Variants in ANTXR1 observed in about 807,000 individuals in gnomAD.
The protein encoded by ANTXR1 is ANTXR cell adhesion molecule 1.
ANTXR1 carries 19 observed loss-of-function variants against 78.1 expected under a neutral mutation model. The ratio of observed to expected loss-of-function variants is 0.24; its 90% CI spans 0.17 to 0.36. ANTXR1 has a LOEUF of 0.36. ANTXR1 is among the 10% of genes least tolerant of loss of function. The pLI, the probability that ANTXR1 is intolerant of heterozygous loss-of-function variation, is 1.00. For missense variants in ANTXR1, 518 were observed against 718.6 expected, an observed-to-expected ratio of 0.72 and a Z score of 3.19; for synonymous variants, 273 against 260.5, an observed-to-expected ratio of 1.05 and a Z score of -0.46.
intron 12 of ANTXR1, among the ~76,000 whole-genome samples, chr2:69,132,244 G>A (rs148535960): frequency 6.6e-6 from 1 of 152,366 alleles, no homozygotes; most frequent in African/African-American, 2.4e-5. Context: ...CTGCTTTAGT[G>A]AGTACTGGCT....
chr2:69,201,716 G>A (rs896529984), intron 17 of ANTXR1, among the ~76,000 whole-genome samples: 2 of 152,108 alleles, frequency 1.3e-5, no homozygotes, highest in African/African-American at 4.8e-5. Context: ...AAGTGTGAAG[G>A]AGGACCTCCA....
intron 17 of ANTXR1, among the ~76,000 whole-genome samples, chr2:69,205,062 A>G (rs1031895887): frequency 6.6e-6 from 1 of 152,164 alleles, no homozygotes; most frequent in African/African-American, 2.4e-5. Flanking sequence ...GCCCTTGTGG[A>G]GTGTACACTG....
chr2:69,142,718 C>T (rs1673102869), intron 12 of ANTXR1, among the ~76,000 whole-genome samples: 1 of 152,062 alleles, frequency 6.6e-6, no homozygotes, highest in South Asian at 2.1e-4. Context: ...GCTAGCCACG[C>T]AATGATAGTT....
intron 1 of ANTXR1, among the ~76,000 whole-genome samples, chr2:69,020,741 T>C (rs945273746): frequency 4.6e-5 from 7 of 152,238 alleles, no homozygotes; most frequent in African/African-American, 1.4e-4. Context: ...AAAGAGAATA[T>C]TTAAACATTT....
intron 10 of ANTXR1, among the ~76,000 whole-genome samples, chr2:69,120,252 T>C (rs1215108079): frequency 6.6e-6 from 1 of 152,238 alleles, no homozygotes; most frequent in Non-Finnish European, 1.5e-5. Flanking sequence ...GTATGGGTAC[T>C]CACCATTAAT....
At chr2:69,142,974 G>A (rs970642298) in intron 12 of ANTXR1, among the ~76,000 whole-genome samples, 2 of 152,210 alleles carry the variant, frequency 1.3e-5, no homozygotes, top group Non-Finnish European at 2.9e-5. Flanking sequence ...GTGCATAAAT[G>A]TGAATGTATA....
intron 9 of ANTXR1, among the ~76,000 whole-genome samples, chr2:69,097,585 TCTTTC>T (rs1671472909): frequency 6.6e-6 from 1 of 152,256 alleles, no homozygotes; most frequent in South Asian, 2.1e-4. Flanking sequence ...CTCTGCTCAA[TCTTTC>T]CTTTCATTTA....
At chr2:69,136,002 G>A (rs1412619878) in intron 12 of ANTXR1, among the ~76,000 whole-genome samples, 1 of 152,018 alleles carries the variant, frequency 6.6e-6, no homozygotes, top group African/African-American at 2.4e-5. Flanking sequence ...TCAAATCTAA[G>A]ACACACTTTT....
intron 17 of ANTXR1, among the ~76,000 whole-genome samples, chr2:69,202,785 A>G (rs1013061365): frequency 1.3e-5 from 2 of 152,222 alleles, no homozygotes; most frequent in Middle Eastern, 3.2e-3. Flanking sequence ...AAACAGCCAC[A>G]CCTTGGGAAC....
chr2:69,158,412 C>T (rs774623913), intron 13 of ANTXR1, among the ~76,000 whole-genome samples: 6 of 152,222 alleles, frequency 3.9e-5, no homozygotes, highest in Non-Finnish European at 7.3e-5. Context: ...CTTTTCCTCA[C>T]CTGGGGAGGA....
intron 9 of ANTXR1, among the ~76,000 whole-genome samples, chr2:69,100,328 C>T (rs1385629730): frequency 6.6e-6 from 1 of 152,220 alleles, no homozygotes; most frequent in Non-Finnish European, 1.5e-5. Flanking sequence ...TGTGCACTAA[C>T]ACAGAAACCC....
At chr2:69,068,429 A>G (rs1002940697) in intron 3 of ANTXR1, among the ~76,000 whole-genome samples, 5 of 152,236 alleles carry the variant, frequency 3.3e-5, no homozygotes, top group African/African-American at 1.2e-4. Flanking sequence ...GTGGCATTTA[A>G]CTTGGGACTG....
chr2:69,157,839 T>C (rs1203726360), intron 13 of ANTXR1, among the ~76,000 whole-genome samples: 2 of 152,174 alleles, frequency 1.3e-5, no homozygotes, highest in African/African-American at 4.8e-5. Context: ...TAAAGAGACT[T>C]TTCATTTTTA....
chr2:69,066,888 G>A lies in ANTXR1; in HGVS notation c.297-3759G>A, dbSNP rs543381861. Among the ~76,000 whole-genome samples the A allele has an allele frequency of 2.6e-5, 4 of 152,308 alleles. No individual in the cohort carries two copies. The East Asian group carries it at 7.7e-4, about 29-fold the overall frequency. ...GGAAAACAGGGGCTCTGTAATAGCA[G>A]CCTCTCTTCATAGGATTCCCTGCCT... On this transcript the variant is annotated intron_variant, in intron 3 of 17. Transcript: ENST00000303714.
chr2:69,065,821 T>C (rs1225571499), intron 3 of ANTXR1, among the ~76,000 whole-genome samples: 1 of 152,256 alleles, frequency 6.6e-6, no homozygotes, highest in Non-Finnish European at 1.5e-5. Context: ...ATCTGTGTTC[T>C]TCTGTTCACT....
At chr2:69,216,287 A>G (rs1675171531) in intron 17 of ANTXR1, among the ~76,000 whole-genome samples, 1 of 152,198 alleles carries the variant, frequency 6.6e-6, no homozygotes, top group Admixed American at 6.5e-5. Context: ...GAAAGCCAAT[A>G]TGAAAAACAG....
intron 14 of ANTXR1, among the ~76,000 whole-genome samples, chr2:69,176,435 T>G (rs763792617): frequency 1.3e-5 from 2 of 152,132 alleles, no homozygotes; most frequent in Non-Finnish European, 2.9e-5. Flanking sequence ...ATTGAGGGGA[T>G]CTCCCTGACT....
intron 17 of ANTXR1, among the ~76,000 whole-genome samples, chr2:69,244,370 C>T (rs1675965136): frequency 6.6e-6 from 1 of 152,186 alleles, no homozygotes; most frequent in Non-Finnish European, 1.5e-5. Flanking sequence ...GTTGTCAGTT[C>T]CTGTGACAAC....
chr2:69,193,470 C>G, intron 17 of ANTXR1, 55 bp downstream of exon 17: 1 of 1,215,388 alleles, frequency 8.2e-7, no homozygotes, highest in Non-Finnish European at 1.2e-6. Flanking sequence ...CACATACACA[C>G]ACACACACAC....
Sources: allele counts gnomAD v4.1 joint callset (sites outside exome capture counted in the v4.1 genomes callset), GRCh38; gene constraint gnomAD v4.1.1; transcripts MANE v1.5; gene names NCBI Gene and HGNC (gene_info 2026-07-23, HGNC 2026-07-21).